The following PRICKLE1 variants were observed in gnomAD, a reference collection of about 807,000 sequenced individuals.
PRICKLE1 encodes the protein prickle planar cell polarity protein 1, also known as prickle-like protein 1.
PRICKLE1 carries 14 observed loss-of-function variants against 70.2 expected under a neutral mutation model. The observed-to-expected ratio is 0.20, with a 90% confidence interval of 0.13 to 0.31. PRICKLE1 has a LOEUF of 0.31. Ranked by LOEUF, PRICKLE1 falls within the 10% of genes least tolerant of loss-of-function variation. The probability of loss-of-function intolerance (pLI) is 1.00; values close to 1 mark genes in which losing one functional copy is unlikely to be tolerated. For missense variants in PRICKLE1, 821 were observed against 1,026.2 expected, an observed-to-expected ratio of 0.80 and a Z score of 2.73; for synonymous variants, 357 against 379.9, an observed-to-expected ratio of 0.94 and a Z score of 0.70.
In PRICKLE1 at chr12:42,457,542, G is replaced by A. The variant is rs970653834; in HGVS notation, c.*2267C>T. 5 of 152,096 alleles carry A rather than the reference G, an allele frequency of 3.3e-5. No individual in the cohort carries two copies. The highest frequency in any genetic ancestry group is 1.2e-4 in the African/African-American group (5 of 41,440). 9.4% of individuals were successfully genotyped at this position (152,096 alleles called of 1,614,324 possible). A position where few individuals can be genotyped will look rare whatever the true frequency, so the allele number is the denominator to read the frequency against. On this transcript the variant is annotated 3_prime_UTR_variant, in exon 8 of 8. Coordinates refer to ENST00000345127, the MANE Select transcript of PRICKLE1 (RefSeq NM_153026.3). ...GTAAATCAGGAGAATTTCTTTTGGA[G>A]GAAAATTGGCAATATCCATCAGTCT...
In PRICKLE1 at chr12:42,459,137, A is replaced by G; in HGVS notation, c.*672T>C. 1.8e-6 allele frequency: 1 copy of G among 546,512 alleles called. No individual in the cohort carries two copies. Among genetic ancestry groups the G allele is most frequent in the Non-Finnish European group, 3.3e-6 (1 of 306,236 alleles). 33.9% of individuals were successfully genotyped at this position (546,512 alleles called of 1,614,324 possible). On this transcript the variant is annotated 3_prime_UTR_variant, in exon 8 of 8. Coordinates refer to ENST00000345127, the MANE Select transcript of PRICKLE1 (RefSeq NM_153026.3). Reference sequence around the variant, plus strand: ...GTAACAAACGGCTTACAATTCAGGGATATAAAAATATCAGCTTTAAAATCT... The same window carrying G: ...GTAACAAACGGCTTACAATTCAGGGGTATAAAAATATCAGCTTTAAAATCT...
chr12:42,483,015 G>A (rs185246486), intron 1 of PRICKLE1: 1,728 of 152,396 alleles, frequency 0.011, 14 homozygotes, highest in Middle Eastern at 0.028. Context: ...CTGCGTCCCC[G>A]GCCCCAGGAG....
At chr12:42,537,530 T>C (rs777018920) in intron 1 of PRICKLE1, among the ~76,000 whole-genome samples, 1 of 152,148 alleles carries the variant, frequency 6.6e-6, no homozygotes, top group Non-Finnish European at 1.5e-5. Flanking sequence ...AACGCAGTAA[T>C]ATTGACCATA....
intron 1 of PRICKLE1, among the ~76,000 whole-genome samples, chr12:42,477,636 G>C (rs1253292099): frequency 6.6e-6 from 1 of 151,522 alleles, no homozygotes; most frequent in African/African-American, 2.4e-5. Flanking sequence ...TCTGCTCTGG[G>C]TCATGGCTGA....
chr12:42,531,561 A>G (rs1212580188), intron 1 of PRICKLE1, among the ~76,000 whole-genome samples: 1 of 152,224 alleles, frequency 6.6e-6, no homozygotes, highest in Non-Finnish European at 1.5e-5. Context: ...AATTGTGTGC[A>G]ATCAATAAAC....
chr12:42,569,352 T>C (rs985154616), intron 1 of PRICKLE1, among the ~76,000 whole-genome samples: 3 of 152,204 alleles, frequency 2.0e-5, no homozygotes, highest in Admixed American at 1.3e-4. Context: ...GATGCAGAGC[T>C]CAAGCCTAAA....
chr12:42,498,130 G>T (rs921699903), intron 1 of PRICKLE1, among the ~76,000 whole-genome samples: 1 of 148,008 alleles, frequency 6.8e-6, no homozygotes, highest in African/African-American at 2.5e-5. Flanking sequence ...ATTATAGTGT[G>T]AGCCTCCATG....
In PRICKLE1 at chr12:42,468,653, G is replaced by A. The variant is rs1371511309; in HGVS notation, c.561C>T (p.Leu187=). ...CGTCACATGCTGAGCACCGTGGTTTGAGCAGTTCTGCATGGTGCCTGCCAC... is the reference window on the plus strand; with the variant it reads ...CGTCACATGCTGAGCACCGTGGTTTAAGCAGTTCTGCATGGTGCCTGCCAC... ...IHCGRHHAEL[L]KPRCSACDEI... The change falls in exon 5 of 8, where the codon CTC becomes CTT. Residue 187 remains leucine (L), a synonymous_variant. Coordinates refer to ENST00000345127, the MANE Select transcript of PRICKLE1 (RefSeq NM_153026.3). The A allele has an allele frequency of 6.2e-7, 1 of 1,614,010 alleles. No homozygotes were observed. The highest frequency in any genetic ancestry group is 8.5e-7 in the Non-Finnish European group (1 of 1,179,972).
At chr12:42,463,136 C>T (rs1937925192) in intron 7 of PRICKLE1, among the ~76,000 whole-genome samples, 1 of 149,310 alleles carries the variant, frequency 6.7e-6, no homozygotes, top group Non-Finnish European at 1.5e-5. Flanking sequence ...GCCTGTCTCA[C>T]AAAAATTAGC....
At chr12:42,519,499 C>G (rs1939671683) in intron 1 of PRICKLE1, among the ~76,000 whole-genome samples, 1 of 152,092 alleles carries the variant, frequency 6.6e-6, no homozygotes. Flanking sequence ...CCTGGCTTTA[C>G]TGAATTTTCA....
chr12:42,588,213 G>C (rs970461566), intron 1 of PRICKLE1, among the ~76,000 whole-genome samples: 5 of 152,188 alleles, frequency 3.3e-5, no homozygotes, highest in African/African-American at 1.2e-4. Context: ...CCTTGGGCCT[G>C]TCTGAAAAGA....
In PRICKLE1 at chr12:42,472,530, T is replaced by C. The variant is rs200066556; in HGVS notation, c.-14A>G. ...CTCCAAAGGCATAAAGTTTAAAGCC[T>C]GGTTTCTCAGTCACAGGACATCAAA... On this transcript the variant is annotated 5_prime_UTR_variant, in exon 2 of 8. Coordinates refer to ENST00000345127, the MANE Select transcript of PRICKLE1 (RefSeq NM_153026.3). The C allele has an allele frequency of 1.5e-5, 25 of 1,614,172 alleles. No individual in the cohort carries two copies. The East Asian group carries it at 5.1e-4, about 33-fold the overall frequency.
chr12:42,503,725 C>T (rs1939356315), intron 1 of PRICKLE1, among the ~76,000 whole-genome samples: 1 of 152,036 alleles, frequency 6.6e-6, no homozygotes, highest in Admixed American at 6.6e-5. Flanking sequence ...TATGAATATC[C>T]CTAGCCATTG....
intron 1 of PRICKLE1, among the ~76,000 whole-genome samples, chr12:42,533,516 A>G (rs1222228960): frequency 1.3e-5 from 2 of 152,214 alleles, no homozygotes; most frequent in Non-Finnish European, 1.5e-5. Flanking sequence ...TAAATATAGT[A>G]TAAGAACTGT....
intron 1 of PRICKLE1, among the ~76,000 whole-genome samples, chr12:42,522,863 G>C (rs1255155801): frequency 2.6e-5 from 4 of 152,024 alleles, no homozygotes; most frequent in Non-Finnish European, 5.9e-5. Flanking sequence ...CATGAAGAAA[G>C]CAAGTTTTGT....
At chr12:42,571,849 CAA>C (rs1204467589) in intron 1 of PRICKLE1, among the ~76,000 whole-genome samples, 1 of 152,202 alleles carries the variant, frequency 6.6e-6, no homozygotes, top group Non-Finnish European at 1.5e-5. Context: ...TCTTGAAGGA[CAA>C]AGACTGTGGG....
intron 1 of PRICKLE1, among the ~76,000 whole-genome samples, chr12:42,552,138 C>T (rs571481824): frequency 2.6e-4 from 39 of 150,014 alleles, no homozygotes; most frequent in African/African-American, 9.1e-4. Flanking sequence ...GCAACCTCGG[C>T]TCACTACAAC....
intron 1 of PRICKLE1, among the ~76,000 whole-genome samples, chr12:42,578,743 T>TA (rs1940845089): frequency 6.8e-6 from 1 of 146,184 alleles, no homozygotes; most frequent in Non-Finnish European, 1.5e-5. Flanking sequence ...GTTTATTTCA[T>TA]TTTATTTATT....
chr12:42,465,388 T>A, intron 6 of PRICKLE1, 130 bp from the exon 7 acceptor site: 1 of 807,878 alleles, frequency 1.2e-6, no homozygotes. Flanking sequence ...CAGATATAAT[T>A]AATCCTCATT....
Sources: allele counts gnomAD v4.1 joint callset (sites outside exome capture counted in the v4.1 genomes callset), GRCh38; gene constraint gnomAD v4.1.1; transcripts MANE v1.5; gene names NCBI Gene and HGNC (gene_info 2026-07-23, HGNC 2026-07-21).